The following COL5A2 variants were observed in gnomAD, a reference collection of about 807,000 sequenced individuals.
COL5A2 encodes collagen alpha-2(V) chain.
A neutral mutation model predicts 208.2 loss-of-function variants in COL5A2; 23 were observed. That is an observed-to-expected ratio of 0.11 (90% confidence interval 0.08 to 0.16). COL5A2 has a LOEUF of 0.16. Ranked by LOEUF, COL5A2 falls within the 10% of genes least tolerant of loss-of-function variation. The pLI is 1.00. For synonymous variants in COL5A2, 625 were observed against 628.5 expected (o/e 0.99, Z 0.08); for missense variants, 1,590 against 1,956.4 (o/e 0.81, Z 3.53).
At chr2:189,183,910 C>T (rs1308632844), upstream of COL5A2, among the ~76,000 whole-genome samples, 1 of 152,146 alleles carries the variant, frequency 6.6e-6, no homozygotes, top group Non-Finnish European at 1.5e-5. Context: ...TTTACTCAGG[C>T]TCTGACCTTT....
chr2:189,079,895 A>C lies in COL5A2; in HGVS notation c.960+83T>G, dbSNP rs1051952166. 11 of 1,136,298 alleles carry C rather than the reference A, an allele frequency of 9.7e-6. No homozygotes were observed. In the African/African-American group the frequency reaches 1.5e-4, roughly 16 times the overall value. The allele number at this position is 1,136,298 out of a possible 1,614,324, so 70.4% of individuals were successfully genotyped here. ...TGTAGCCCTCTCTCCTGCTGAATTAAGGTGGTTCTGAAAAATGTGTAAACA... is the reference window on the plus strand; with the variant it reads ...TGTAGCCCTCTCTCCTGCTGAATTACGGTGGTTCTGAAAAATGTGTAAACA... On this transcript the variant is annotated intron_variant, in intron 14 of 53. Transcript: ENST00000374866.
chr2:189,083,631 G>T (rs1686586155), intron 12 of COL5A2, among the ~76,000 whole-genome samples: 1 of 151,692 alleles, frequency 6.6e-6, no homozygotes, highest in South Asian at 2.1e-4. Context: ...AAATAGGATT[G>T]AAGTGTGAAT....
the COL5A2 span, among the ~76,000 whole-genome samples, chr2:189,319,554 A>G: frequency 6.6e-6 from 1 of 152,216 alleles, no homozygotes; most frequent in Non-Finnish European, 1.5e-5. Context: ...ACGCCCACGG[A>G]GCCTTGCTCA....
At chr2:189,383,867 T>C in the COL5A2 span, among the ~76,000 whole-genome samples, 1 of 152,082 alleles carries the variant, frequency 6.6e-6, no homozygotes, top group South Asian at 2.1e-4. Context: ...CTTCTAACTA[T>C]ATTTTTGTAC....
chr2:189,221,271 G>T (rs1177930611), intron 1 of COL5A2, among the ~76,000 whole-genome samples: 2 of 152,156 alleles, frequency 1.3e-5, no homozygotes, highest in Non-Finnish European at 2.9e-5. Flanking sequence ...GTTCATGGAT[G>T]ATTACATCTA....
intron 1 of COL5A2, among the ~76,000 whole-genome samples, chr2:189,171,183 A>C (rs2105818095): frequency 6.6e-6 from 1 of 152,200 alleles, no homozygotes; most frequent in Middle Eastern, 3.4e-3. Context: ...TTTGAGGCTG[A>C]GAATGACAGT....
At chr2:189,361,516 T>C in the COL5A2 span, among the ~76,000 whole-genome samples, 1 of 149,250 alleles carries the variant, frequency 6.7e-6, no homozygotes, top group African/African-American at 2.5e-5. Context: ...GGTGAAGTGA[T>C]CTTGTAGACA....
intron 1 of COL5A2, among the ~76,000 whole-genome samples, chr2:189,202,802 C>T (rs1689094678): frequency 6.6e-6 from 1 of 152,076 alleles, no homozygotes; most frequent in Non-Finnish European, 1.5e-5. Context: ...GAATCAGAGA[C>T]ATAAAATTCA....
chr2:189,045,543 C>A (rs1408571559), intron 46 of COL5A2, among the ~76,000 whole-genome samples: 1 of 152,144 alleles, frequency 6.6e-6, no homozygotes, highest in Admixed American at 6.5e-5. Context: ...ATGATGCATA[C>A]TTATTACATT....
At chr2:189,370,730 C>T in the COL5A2 span, among the ~76,000 whole-genome samples, 3 of 152,162 alleles carry the variant, frequency 2.0e-5, no homozygotes, top group Non-Finnish European at 2.9e-5. Flanking sequence ...AGGCCCAAAA[C>T]GTATTTTATT....
At chr2:189,317,959 C>T in the COL5A2 span, among the ~76,000 whole-genome samples, 1 of 152,154 alleles carries the variant, frequency 6.6e-6, no homozygotes, top group African/African-American at 2.4e-5. Flanking sequence ...AATGTAAGCA[C>T]TCACTTGTTC....
At chr2:189,351,985 T>C in the COL5A2 span, among the ~76,000 whole-genome samples, 1 of 150,698 alleles carries the variant, frequency 6.6e-6, no homozygotes, top group Non-Finnish European at 1.5e-5. Context: ...AGGCCCAGTG[T>C]GTGATGCTCC....
In COL5A2 at chr2:189,060,739, T is replaced by C; in HGVS notation, c.2076A>G (p.Pro692=). The change falls in exon 31 of 54, where the codon CCA becomes CCG. Residue 692 remains proline, a synonymous_variant. Transcript: ENST00000374866. ...PPGPPGEGGK[P]GDQGVPGDPG... is the part of the protein sequence containing the mutation. ...TTATTTAAACACTTACTTGATCACC[T>C]GGTTTTCCACCTTCTCCAGGAGGCC... 6.2e-7 allele frequency: 1 copy of C among 1,613,240 alleles called. No individual in the cohort carries two copies. The highest frequency in any genetic ancestry group is 1.1e-5 in the South Asian group (1 of 91,064).
the COL5A2 span, among the ~76,000 whole-genome samples, chr2:189,369,387 C>A: frequency 2.6e-5 from 4 of 151,952 alleles, no homozygotes; most frequent in African/African-American, 9.7e-5. Context: ...TCTTTTTATG[C>A]TTAAACTTTC....
intron 1 of COL5A2, among the ~76,000 whole-genome samples, chr2:189,134,976 T>C (rs890456951): frequency 1.1e-4 from 6 of 53,802 alleles, no homozygotes; most frequent in African/African-American, 1.8e-4. Flanking sequence ...TTTAAAGTTT[T>C]GAAAAGTTAT....
the COL5A2 span, among the ~76,000 whole-genome samples, chr2:189,286,044 G>C: frequency 6.6e-6 from 1 of 151,840 alleles, no homozygotes; most frequent in African/African-American, 2.4e-5. Context: ...TTAAGTGCCT[G>C]GATTCTCTGG....
chr2:189,161,047 C>T (rs1257757608), intron 1 of COL5A2, among the ~76,000 whole-genome samples: 3 of 150,976 alleles, frequency 2.0e-5, no homozygotes, highest in African/African-American at 7.3e-5. Context: ...CTCGAACTCC[C>T]AACCTCAGGT....
At chr2:189,118,654 A>T (rs1026638851) in intron 1 of COL5A2, among the ~76,000 whole-genome samples, 6 of 152,128 alleles carry the variant, frequency 3.9e-5, no homozygotes, top group Admixed American at 2.0e-4. Flanking sequence ...ATTTAAAGGG[A>T]TGCCTCTTTC....
At chr2:189,396,671 TAAAAAAAAAA>T in the COL5A2 span, among the ~76,000 whole-genome samples, 1 of 102,428 alleles carries the variant, frequency 9.8e-6, no homozygotes, top group South Asian at 3.5e-4. Flanking sequence ...AAGACTCCAT[TAAAAAAAAAA>T]AAAAAAAAAA....
Sources: gnomAD v4.1 joint callset for allele counts (sites outside exome capture counted in the v4.1 genomes callset) on GRCh38, gnomAD v4.1.1 for gene constraint, MANE v1.5 for transcripts, NCBI Gene and HGNC (gene_info 2026-07-23, HGNC 2026-07-21) for gene names.